HSF1: variants seen among roughly 807,000 people sequenced by gnomAD.
HSF1 encodes heat shock transcription factor 1.
HSF1 carries 32 observed loss-of-function variants against 51.7 expected under a neutral mutation model. The ratio of observed to expected loss-of-function variants is 0.62; its 90% CI spans 0.47 to 0.83. HSF1 has a LOEUF of 0.83. Among genes scored for constraint, HSF1 ranks in the 40% least tolerant of loss-of-function variants. HSF1 has a pLI of 0.00. For missense variants in HSF1, 727 were observed against 717.0 expected (o/e 1.01, Z -0.16); for synonymous variants, 396 against 309.7 (o/e 1.28, Z -2.92).
In HSF1 at chr8:144,296,342, G is replaced by A. The variant is rs569552081; in HGVS notation, c.117+4468G>A. On this transcript the variant is annotated intron_variant, in intron 1 of 12. Transcript: ENST00000528838. The stretch of plus-strand genomic sequence containing the variant: ...GCCACCCCTGCTTCCCTGGTTCTGA[G>A]AGCCGCCAAGACCCAGCAGGCCCAC... Among the ~76,000 whole-genome samples, 462 of 152,344 alleles carry A rather than the reference G, an allele frequency of 3.0e-3. 1 individual carries two copies. Among genetic ancestry groups the A allele is most frequent in the Non-Finnish European group, 6.0e-3 (411 of 68,032 alleles).
Position 144,313,931 on chromosome 8 carries a change from G to A in HSF1, c.1314+20G>A, listed in dbSNP as rs782587035. On this transcript the variant is annotated intron_variant, in intron 11 of 12. Coordinates refer to ENST00000528838, the MANE Select transcript of HSF1 (RefSeq NM_005526.4). ...GCCAGTGTGCGTAGGCGGGCGGGGG[G>A]TGAGGGGGAACGAGACCAGCGGGAG... 12 of 1,610,188 alleles carry A rather than the reference G, an allele frequency of 7.5e-6. No individual in the cohort carries two copies. Among genetic ancestry groups the A allele is most frequent in the East Asian group, 2.2e-5 (1 of 44,748 alleles).
intron 1 of HSF1, among the ~76,000 whole-genome samples, chr8:144,299,369 A>G (rs1815700471): frequency 1.3e-5 from 2 of 151,718 alleles, no homozygotes; most frequent in South Asian, 4.2e-4. Flanking sequence ...CCCGGGAGGC[A>G]GAGGTTGCAG....
intron 1 of HSF1, among the ~76,000 whole-genome samples, chr8:144,305,120 T>C (rs1412312186): frequency 2.0e-5 from 3 of 149,180 alleles, no homozygotes; most frequent in Non-Finnish European, 3.0e-5. Context: ...CTAATTTTTA[T>C]ATTTTTAGTA....
At chr8:144,299,326 A>G (rs2130348021) in intron 1 of HSF1, among the ~76,000 whole-genome samples, 1 of 151,848 alleles carries the variant, frequency 6.6e-6, no homozygotes, top group Admixed American at 6.6e-5. Context: ...GGTCCCAGCT[A>G]CTTGGGAGGC....
In HSF1 at chr8:144,297,985, C is replaced by G. The variant is rs192864673; in HGVS notation, c.117+6111C>G. Among the ~76,000 whole-genome samples, 361 of 152,366 alleles carry G rather than the reference C, an allele frequency of 2.4e-3. 1 individual carries two copies. The highest frequency in any genetic ancestry group is 3.6e-3 in the Non-Finnish European group (248 of 68,024). On this transcript the variant is annotated intron_variant, in intron 1 of 12. Transcript: ENST00000528838. This position sits in a 1 kb window ranked among gnomAD's most constrained non-coding sequence, Gnocchi z 4.6. ...AATGAGGCCACAGGCTCCAAGTTTACTGCAAGCTGCGGGGTTTGCTGACAC... is the reference window on the plus strand; with the variant it reads ...AATGAGGCCACAGGCTCCAAGTTTAGTGCAAGCTGCGGGGTTTGCTGACAC...
intron 1 of HSF1, among the ~76,000 whole-genome samples, chr8:144,308,218 T>C (rs1816351541): frequency 6.6e-6 from 1 of 152,212 alleles, no homozygotes; most frequent in East Asian, 1.9e-4. Context: ...CCCCGCCGTG[T>C]GGGCTTCTCG....
chr8:144,295,602 G>A (rs146751553), intron 1 of HSF1, among the ~76,000 whole-genome samples: 323 of 152,350 alleles, frequency 2.1e-3, no homozygotes, highest in Middle Eastern at 0.01. Flanking sequence ...TGCCCAGGCT[G>A]GAGTGCAGGG....
At position 144,314,327 on chromosome 8, in the gene HSF1, C is replaced by A. The variant is rs1393213568; in HGVS notation, c.1587C>A (p.Ser529=). The change falls in exon 13 of 13, where the codon TCC becomes TCA. Residue 529 remains serine, a synonymous_variant. Transcript: ENST00000528838. ...EPPKAKDPTV[S] is the part of the protein sequence containing the mutation. ...CCAAAGCCAAGGACCCCACTGTCTC[C>A]TAGAGGCCCCGGAGGAGCTGGGCCA... is the stretch of plus-strand genomic sequence containing the variant. 1 of 1,548,128 alleles carries A rather than the reference C, an allele frequency of 6.5e-7. No homozygotes were observed. The highest frequency in any genetic ancestry group is 2.4e-5 in the East Asian group (1 of 40,858).
intron 9 of HSF1, chr8:144,313,029 G>A (rs992659858): frequency 2.1e-6 from 1 of 480,546 alleles, no homozygotes; most frequent in Non-Finnish European, 3.8e-6. Flanking sequence ...GACCCAGCCT[G>A]GCTGTCCGTC....
intron 1 of HSF1, among the ~76,000 whole-genome samples, chr8:144,299,999 G>A (rs1815746346): frequency 6.6e-6 from 1 of 152,178 alleles, no homozygotes; most frequent in Admixed American, 6.5e-5. Context: ...CCAAGTAGAA[G>A]AATTCCACAT....
At position 144,311,661 on chromosome 8, in the gene HSF1, C is replaced by T. The variant is rs368470857; in HGVS notation, c.724-39C>T. On this transcript the variant is annotated intron_variant, in intron 7 of 12. Transcript: ENST00000528838. ...GCAGGCGGCAGTGGGGTGGGTTGCC[C>T]CTGCCGGCACTGCATGGACCTCCTG... 407 of 1,610,682 alleles carry T rather than the reference C, an allele frequency of 2.5e-4. 5 individuals carry two copies. In the South Asian group the frequency reaches 3.4e-3, roughly 14 times the overall value.
At position 144,311,617 on chromosome 8, in the gene HSF1, A is replaced by G. The variant is rs1457110744; in HGVS notation, c.723+16A>G. The G allele has an allele frequency of 1.9e-6, 3 of 1,612,858 alleles. No homozygotes were observed. The highest frequency in any genetic ancestry group is 2.7e-5 in the African/African-American group (2 of 74,914). On this transcript the variant is annotated intron_variant, in intron 7 of 12. Transcript: ENST00000528838. ...CCCCTACTCGGTGAGTGCCGGAGAC[A>G]GGGCACCCGCCCAGGCATGCAGGCG...
chr8:144,306,278 CTT>C (rs782540831), intron 1 of HSF1, among the ~76,000 whole-genome samples: 1 of 139,452 alleles, frequency 7.2e-6, no homozygotes. Context: ...TATTGATTGC[CTT>C]TTTTTTTTTT....
At chr8:144,298,620 AG>A in intron 1 of HSF1, among the ~76,000 whole-genome samples, 1 of 152,056 alleles carries the variant, frequency 6.6e-6, no homozygotes, top group East Asian at 1.9e-4. Context: ...AAGAAAGAAA[AG>A]AAAAAACCGG....
Position 144,291,884 on chromosome 8 carries a change from G to C in HSF1, c.117+10G>C. Reference sequence around the variant, plus strand: ...CATCTGCTGGAGCCCGGTGAGGGCAGCGCGCGGGCGCGGGGCCCGTGGGGA... The same window carrying C: ...CATCTGCTGGAGCCCGGTGAGGGCACCGCGCGGGCGCGGGGCCCGTGGGGA... On this transcript the variant is annotated intron_variant, in intron 1 of 12. Coordinates refer to ENST00000528838, the MANE Select transcript of HSF1 (RefSeq NM_005526.4). This position sits in a 1 kb window ranked among gnomAD's most constrained non-coding sequence, Gnocchi z 4.1. The C allele has an allele frequency of 6.8e-7, 1 of 1,471,772 alleles. No homozygotes were observed. Among genetic ancestry groups the C allele is most frequent in the Non-Finnish European group, 9.0e-7 (1 of 1,106,874 alleles). The allele number at this position is 1,471,772 out of a possible 1,614,324, so 91.2% of individuals were successfully genotyped here. A position where few individuals can be genotyped will look rare whatever the true frequency, so the allele number is the denominator to read the frequency against.
intron 1 of HSF1, among the ~76,000 whole-genome samples, chr8:144,294,331 C>G (rs1360731332): frequency 6.6e-6 from 1 of 152,128 alleles, no homozygotes; most frequent in Non-Finnish European, 1.5e-5. Flanking sequence ...AGAGTCCCAA[C>G]AGGGCACCCT....
Position 144,309,576 on chromosome 8 carries a change from G to A in HSF1, c.348G>A (p.Lys116=), listed in dbSNP as rs1258146058. The stretch of plus-strand genomic sequence containing the variant: ...AGGAGCAGCTCCTTGAGAACATCAA[G>A]AGGAAAGTGACCAGTGTGAGTGCCG... The part of the protein sequence containing the change: ...RGQEQLLENI[K]RKVTSVSTLK... Residue 116 remains lysine (K), a synonymous_variant, in exon 3 of 13, where the codon AAG becomes AAA. Transcript: ENST00000528838. 6.2e-7 allele frequency: 1 copy of A among 1,614,002 alleles called. No homozygotes were observed. Among genetic ancestry groups the A allele is most frequent in the Non-Finnish European group, 8.5e-7 (1 of 1,180,008 alleles).
In HSF1 at chr8:144,291,747, C is replaced by T. The variant is rs541256553; in HGVS notation, c.-11C>T. ...CGGCCGCTCCCTCCGCCTATTCCCT[C>T]CTTGCTCGAGATGGATCTGCCCGTG... On this transcript the variant is annotated 5_prime_UTR_variant, in exon 1 of 13. Coordinates refer to ENST00000528838, the MANE Select transcript of HSF1 (RefSeq NM_005526.4). The surrounding 1 kb of genome is among the most constrained non-coding windows in gnomAD (Gnocchi z 4.1). The T allele has an allele frequency of 2.0e-6, 3 of 1,471,098 alleles. No homozygotes were observed. Among genetic ancestry groups the T allele is most frequent in the South Asian group, 1.2e-5 (1 of 80,010 alleles). 91.1% of individuals were successfully genotyped at this position (1,471,098 alleles called of 1,614,324 possible).
At chr8:144,292,823 G>A (rs1815187999) in intron 1 of HSF1, among the ~76,000 whole-genome samples, 1 of 152,208 alleles carries the variant, frequency 6.6e-6, no homozygotes, top group Non-Finnish European at 1.5e-5. Context: ...TTTGCCGGGC[G>A]TGGTGGTGCT....
Sources: gnomAD v4.1 joint callset for allele counts (sites outside exome capture counted in the v4.1 genomes callset) on GRCh38, gnomAD v4.1.1 for gene constraint, Gnocchi (gnomAD v3.1) non-coding constraint, MANE v1.5 for transcripts, NCBI Gene and HGNC (gene_info 2026-07-23, HGNC 2026-07-21) for gene names.